ZEB2: variants seen among roughly 807,000 people sequenced by gnomAD.
ZEB2 encodes zinc finger E-box-binding homeobox 2.
ZEB2 carries 6 observed loss-of-function variants against 99.9 expected under a neutral mutation model. The ratio of observed to expected loss-of-function variants is 0.06; its 90% confidence interval spans 0.03 to 0.12. The LOEUF is 0.12. Among genes scored for constraint, ZEB2 ranks in the 10% least tolerant of loss-of-function variants. The pLI is 1.00. For missense variants in ZEB2, 969 were observed against 1,502.8 expected (o/e 0.64, Z 5.87); for synonymous variants, 517 against 542.5 (o/e 0.95, Z 0.65).
chr2:144,519,335 TACAC>T (rs1422059342), intron 1 of ZEB2: 2 of 152,194 alleles, frequency 1.3e-5, no homozygotes, highest in African/African-American at 2.4e-5. Flanking sequence ...TTCACACACA[TACAC>T]ACACAAAGAA....
In ZEB2 at chr2:144,389,039, A is replaced by G. The variant is rs955835380; in HGVS notation, c.*412T>C. 1.4e-5 allele frequency: 6 copies of G among 417,252 alleles called. No individual in the cohort carries two copies. The Admixed American group carries it at 1.6e-4, about 11-fold the overall frequency. 25.8% of individuals were successfully genotyped at this position (417,252 alleles called of 1,614,324 possible). ...CACATTAAATTAAAAAGGAATAACAATAATAATAATAAAAATACTGATGTA... is the reference window on the plus strand; with the variant it reads ...CACATTAAATTAAAAAGGAATAACAGTAATAATAATAAAAATACTGATGTA... On this transcript the variant is annotated 3_prime_UTR_variant, in exon 10 of 10. Transcript: ENST00000627532. The surrounding 1 kb of genome is among the most constrained non-coding windows in gnomAD (Gnocchi z 6.8).
intron 4 of ZEB2, 67 bp from the exon 5 acceptor site, chr2:144,405,091 C>T (rs891727735): frequency 1.2e-5 from 18 of 1,518,340 alleles, no homozygotes; most frequent in Non-Finnish European, 1.6e-5. Flanking sequence ...AGTCCATCTC[C>T]ATCATAGCCA....
Position 144,386,552 on chromosome 2 carries a change from C to A in ZEB2, c.*2899G>T, listed in dbSNP as rs1200753675. 4 of 152,102 alleles carry A rather than the reference C, an allele frequency of 2.6e-5. No individual in the cohort carries two copies. The highest frequency in any genetic ancestry group is 4.4e-5 in the Non-Finnish European group (3 of 68,006). 9.4% of individuals were successfully genotyped at this position (152,102 alleles called of 1,614,324 possible). On this transcript the variant is annotated 3_prime_UTR_variant, in exon 10 of 10. Transcript: ENST00000627532. ...GGAGGGGCAAGGCAGGGTCTGCCCA[C>A]CCTCCTCTACTTCGTGCACACTTTC...
At chr2:144,394,113 G>A (rs1161574843) in intron 9 of ZEB2, among the ~76,000 whole-genome samples, 1 of 152,106 alleles carries the variant, frequency 6.6e-6, no homozygotes, top group Non-Finnish European at 1.5e-5. Flanking sequence ...TAGAGACGGG[G>A]TTTCTCCATG....
chr2:144,463,186 G>A (rs1428368016), intron 2 of ZEB2: 1 of 152,120 alleles, frequency 6.6e-6, no homozygotes, highest in Non-Finnish European at 1.5e-5. Context: ...GTACGCCGTG[G>A]TGCTGAATGC....
intron 9 of ZEB2, among the ~76,000 whole-genome samples, chr2:144,394,677 A>C (rs1203645652): frequency 6.6e-6 from 1 of 152,236 alleles, no homozygotes; most frequent in Non-Finnish European, 1.5e-5. Flanking sequence ...GTTTGGATTT[A>C]GATTGGGTTG....
At chr2:144,469,923 T>C (rs988581222) in intron 2 of ZEB2, among the ~76,000 whole-genome samples, 2 of 152,308 alleles carry the variant, frequency 1.3e-5, no homozygotes, top group Non-Finnish European at 2.9e-5. Flanking sequence ...GAAGCTCCTG[T>C]GTGATCCACA....
chr2:144,421,333 G>C (rs1304487083), intron 4 of ZEB2, among the ~76,000 whole-genome samples: 1 of 152,212 alleles, frequency 6.6e-6, no homozygotes, highest in Non-Finnish European at 1.5e-5. Flanking sequence ...AGACTTGGGA[G>C]CAGAGGAAGA....
chr2:144,404,271 C>T lies in ZEB2; in HGVS notation c.593-141G>A, dbSNP rs1703351879. On this transcript the variant is annotated intron_variant, in intron 5 of 9. Transcript: ENST00000627532. ...AGAGTGCCATCATTGCACCCGGCCCCCTCGCACACCAGTCCCCTCGCATGC... is the reference window on the plus strand; with the variant it reads ...AGAGTGCCATCATTGCACCCGGCCCTCTCGCACACCAGTCCCCTCGCATGC... 5 of 895,476 alleles carry T rather than the reference C, an allele frequency of 5.6e-6. No individual in the cohort carries two copies. The East Asian group carries it at 1.1e-4, about 19-fold the overall frequency. The allele number at this position is 895,476 out of a possible 1,614,324, so 55.5% of individuals were successfully genotyped here.
intron 2 of ZEB2, among the ~76,000 whole-genome samples, chr2:144,494,010 G>A (rs1374139791): frequency 1.3e-5 from 2 of 151,816 alleles, no homozygotes; most frequent in African/African-American, 4.8e-5. Context: ...AAATTAGCCG[G>A]GCGTGGTTGC....
intron 2 of ZEB2, among the ~76,000 whole-genome samples, chr2:144,460,541 TGCTCTGAATCTTAGAACGGG>T (rs1704178329): frequency 6.6e-6 from 1 of 152,156 alleles, no homozygotes; most frequent in Non-Finnish European, 1.5e-5. Context: ...TTCACATTGC[TGCTCTGAATCTTAGAACGGG>T]GCACCTGGCG....
intron 2 of ZEB2, among the ~76,000 whole-genome samples, chr2:144,440,513 ATATTTTTTTTTTTTTT>A (rs1263267033): frequency 2.1e-3 from 51 of 24,084 alleles, no homozygotes; most frequent in African/African-American, 3.5e-3. Flanking sequence ...ATATATATAT[ATATTTTTTTTTTTTTT>A]TTTTTTTTTT....
In ZEB2 at chr2:144,385,616, T is replaced by C. The variant is rs941285063; in HGVS notation, c.*3835A>G. ...ATAAATGCAGCTGTGTTTATTACAA[T>C]GTGTGGGGCTCCAGATATACACACA... On this transcript the variant is annotated 3_prime_UTR_variant, in exon 10 of 10. Coordinates refer to ENST00000627532, the MANE Select transcript of ZEB2 (RefSeq NM_014795.4). 2.0e-5 allele frequency: 3 copies of C among 152,196 alleles called. No homozygotes were observed. The highest frequency in any genetic ancestry group is 7.2e-5 in the African/African-American group (3 of 41,458). 9.4% of individuals were successfully genotyped at this position (152,196 alleles called of 1,614,324 possible). A position where few individuals can be genotyped will look rare whatever the true frequency, so the allele number is the denominator to read the frequency against.
chr2:144,432,500 T>C (rs1304301144), intron 2 of ZEB2, among the ~76,000 whole-genome samples: 3 of 152,156 alleles, frequency 2.0e-5, no homozygotes, highest in South Asian at 2.1e-4. Flanking sequence ...CATTCTGCTC[T>C]TTCTGGTTGA....
At chr2:144,414,854 C>G (rs1703516618) in intron 4 of ZEB2, among the ~76,000 whole-genome samples, 1 of 152,036 alleles carries the variant, frequency 6.6e-6, no homozygotes. Flanking sequence ...CTGAAACGAT[C>G]ACAATGACAT....
chr2:144,407,801 C>T (rs1703408613), intron 4 of ZEB2, among the ~76,000 whole-genome samples: 2 of 152,200 alleles, frequency 1.3e-5, no homozygotes, highest in Non-Finnish European at 2.9e-5. Flanking sequence ...TATTGTCCTA[C>T]TTGATGACCT....
At chr2:144,453,700 C>T (rs1704083516) in intron 2 of ZEB2, among the ~76,000 whole-genome samples, 1 of 152,246 alleles carries the variant, frequency 6.6e-6, no homozygotes, top group South Asian at 2.1e-4. Context: ...TCCGGCACCC[C>T]CTCACCCCTT....
At chr2:144,469,515 T>C (rs1704326276) in intron 2 of ZEB2, among the ~76,000 whole-genome samples, 1 of 152,186 alleles carries the variant, frequency 6.6e-6, no homozygotes, top group South Asian at 2.1e-4. Context: ...CAGGCTTTTT[T>C]TCCCTTAACC....
intron 2 of ZEB2, 134 bp downstream of exon 2, chr2:144,517,144 G>A (rs1311244246): frequency 2.1e-6 from 2 of 975,228 alleles, no homozygotes; most frequent in East Asian, 3.5e-5. Flanking sequence ...CGCCGGCCGC[G>A]GAGGGAGGCT....
Sources: gnomAD v4.1 joint callset for allele counts (sites outside exome capture counted in the v4.1 genomes callset) on GRCh38, gnomAD v4.1.1 for gene constraint, Gnocchi (gnomAD v3.1) non-coding constraint, MANE v1.5 for transcripts, NCBI Gene and HGNC (gene_info 2026-07-23, HGNC 2026-07-21) for gene names.